CD44: variants seen among roughly 807,000 people sequenced by gnomAD.
CD44 encodes the protein CD44 molecule (IN blood group).
A neutral mutation model predicts 88.8 loss-of-function variants in CD44; 49 were observed. That is an observed-to-expected ratio of 0.55 (90% confidence interval 0.44 to 0.70). The LOEUF is 0.70. CD44 is among the 30% of genes least tolerant of loss of function. CD44 has a pLI of 0.00. For missense variants in CD44, 883 were observed against 913.8 expected (o/e 0.97, Z 0.43); for synonymous variants, 325 against 312.3 (o/e 1.04, Z -0.43).
chr11:35,142,629 G>A (rs959546425), intron 1 of CD44, among the ~76,000 whole-genome samples: 2 of 152,216 alleles, frequency 1.3e-5, no homozygotes, highest in African/African-American at 2.4e-5. Flanking sequence ...CTTCATCTCT[G>A]TTGGGGCTAG....
At chr11:35,153,013 G>A (rs898754969) in intron 1 of CD44, among the ~76,000 whole-genome samples, 11 of 152,200 alleles carry the variant, frequency 7.2e-5, no homozygotes, top group Non-Finnish European at 1.5e-5. Flanking sequence ...GGAAGTTATC[G>A]TGGTCTGATA....
chr11:35,172,788 G>T (rs1287741129), intron 1 of CD44, among the ~76,000 whole-genome samples: 1 of 151,984 alleles, frequency 6.6e-6, no homozygotes, highest in Non-Finnish European at 1.5e-5. Context: ...TCTTATCCTT[G>T]TTAGTGCCTC....
At chr11:35,217,788 T>A (rs563390165) in intron 15 of CD44, among the ~76,000 whole-genome samples, 1 of 152,316 alleles carries the variant, frequency 6.6e-6, no homozygotes, top group South Asian at 2.1e-4. Flanking sequence ...ACAGTGGGCT[T>A]CCATTTGGTA....
At chr11:35,180,206 T>C in intron 2 of CD44, 68 bp from the exon 3 acceptor site, 8 of 1,505,988 alleles carry the variant, frequency 5.3e-6, no homozygotes, top group Non-Finnish European at 6.5e-6. Context: ...TAAATGTCAT[T>C]GAATGGGATA....
At chr11:35,146,146 A>G (rs1859109603) in intron 1 of CD44, among the ~76,000 whole-genome samples, 1 of 152,058 alleles carries the variant, frequency 6.6e-6, no homozygotes, top group Non-Finnish European at 1.5e-5. Context: ...TGTCCTCCTG[A>G]GGTAAGTGTC....
chr11:35,148,321 T>C (rs1183482184), intron 1 of CD44, among the ~76,000 whole-genome samples: 2 of 152,188 alleles, frequency 1.3e-5, no homozygotes, highest in Non-Finnish European at 2.9e-5. Flanking sequence ...GGAAACCAGC[T>C]GACGTCAGCT....
Position 35,191,923 on chromosome 11 carries a change from G to A in CD44, c.667+1858G>A, listed in dbSNP as rs980435923. Among the ~76,000 whole-genome samples the A allele has an allele frequency of 3.9e-5, 6 of 152,182 alleles. No homozygotes were observed. The East Asian group carries it at 9.6e-4, about 24-fold the overall frequency. ...AACATAGTTAGGAAGTAATATTGAA[G>A]AGAGGCAAGGATTACTGAGATATTT... On this transcript the variant is annotated intron_variant, in intron 5 of 17. Coordinates refer to ENST00000428726, the MANE Select transcript of CD44 (RefSeq NM_000610.4).
At chr11:35,159,341 C>A (rs1406975735) in intron 1 of CD44, among the ~76,000 whole-genome samples, 1 of 152,206 alleles carries the variant, frequency 6.6e-6, no homozygotes, top group Non-Finnish European at 1.5e-5. Context: ...AAGGCTTTTG[C>A]ACCTTTTAAT....
chr11:35,176,375 G>A (rs1944471106), intron 1 of CD44, among the ~76,000 whole-genome samples, 200 bp from the exon 2 acceptor site: 1 of 150,348 alleles, frequency 6.7e-6, no homozygotes, highest in African/African-American at 2.5e-5. Flanking sequence ...ACGGGGTTTC[G>A]CCATGTTAAC....
intron 1 of CD44, among the ~76,000 whole-genome samples, chr11:35,145,069 A>T (rs1468430204): frequency 6.6e-6 from 1 of 152,264 alleles, no homozygotes; most frequent in Non-Finnish European, 1.5e-5. Flanking sequence ...ACATGCCTGA[A>T]GGATCTATGT....
intron 2 of CD44, among the ~76,000 whole-genome samples, chr11:35,177,309 T>G (rs563005025): frequency 2.6e-5 from 4 of 152,328 alleles, no homozygotes; most frequent in Admixed American, 2.0e-4. Flanking sequence ...TCCTACCAGT[T>G]ATTCTAGAGC....
rs199837597 is a variant in CD44 at position 35,214,882 on chromosome 11, G to A, written c.1841G>A (p.Gly614Glu). Residue 614 changes from glycine to glutamate, a missense_variant, in exon 15 of 18, where the codon GGG (glycine) becomes GAG (glutamate). Physicochemically the swap from Gly to Glu is moderately conservative, Grantham distance 98. This residue lies in a region of CD44 where 631 missense variants were observed against 590.9 expected (regional missense o/e 1.07). Transcript: ENST00000428726. Reference protein sequence around the residue: ...GDQDTFHPSGGSHTTHGSESD... With the variant: ...GDQDTFHPSGESHTTHGSESD... ...CAAGACACATTCCACCCCAGTGGGG[G>A]GTCCCATACCACTCATGGATCTGAA... 1.9e-5 allele frequency: 30 copies of A among 1,560,624 alleles called. No individual in the cohort carries two copies. Among genetic ancestry groups the A allele is most frequent in the Non-Finnish European group, 2.3e-5 (27 of 1,153,262 alleles).
intron 1 of CD44, among the ~76,000 whole-genome samples, chr11:35,174,324 T>G (rs1383534208): frequency 2.0e-5 from 3 of 152,192 alleles, no homozygotes; most frequent in African/African-American, 7.2e-5. Context: ...TTCTGTCTGA[T>G]TCCAGACCTG....
intron 1 of CD44, among the ~76,000 whole-genome samples, chr11:35,149,156 C>T (rs1486483405): frequency 6.6e-6 from 1 of 152,162 alleles, no homozygotes; most frequent in East Asian, 1.9e-4. Context: ...AGACCCCAAA[C>T]CTTAAAATCA....
At chr11:35,147,001 T>A (rs1174571766) in intron 1 of CD44, among the ~76,000 whole-genome samples, 1 of 152,198 alleles carries the variant, frequency 6.6e-6, no homozygotes, top group Admixed American at 6.5e-5. Context: ...CTCTCTTCCA[T>A]GTGATGGAAA....
At chr11:35,181,887 T>A (rs1490458714) in intron 3 of CD44, among the ~76,000 whole-genome samples, 1 of 38,568 alleles carries the variant, frequency 2.6e-5, no homozygotes, top group African/African-American at 1.4e-4. Flanking sequence ...TATATAATTC[T>A]ATATATAATA....
At chr11:35,140,814 GT>G (rs1333356936) in intron 1 of CD44, among the ~76,000 whole-genome samples, 3 of 152,144 alleles carry the variant, frequency 2.0e-5, no homozygotes, top group Admixed American at 6.5e-5. Flanking sequence ...AAGGTCAGGA[GT>G]TTGAGACCAG....
Position 35,184,467 on chromosome 11 carries a change from A to C in CD44, c.368-2365A>C, listed in dbSNP as rs374001479. Among the ~76,000 whole-genome samples, 12 of 152,330 alleles carry C rather than the reference A, an allele frequency of 7.9e-5. No individual in the cohort carries two copies. The South Asian group carries it at 2.3e-3, about 29-fold the overall frequency. On this transcript the variant is annotated intron_variant, in intron 3 of 17. Transcript: ENST00000428726. ...AAGCCTGGTTCCAGGTATGCACAAC[A>C]TACAAATATCAGAAGCATCTCATAG...
chr11:35,199,103 A>G (rs1947052273), intron 7 of CD44, among the ~76,000 whole-genome samples: 1 of 152,262 alleles, frequency 6.6e-6, no homozygotes, highest in Non-Finnish European at 1.5e-5. Flanking sequence ...CAGAGTTTTA[A>G]CAAATGAGCT....
Sources: gnomAD v4.1 joint callset for allele counts (sites outside exome capture counted in the v4.1 genomes callset) on GRCh38, gnomAD v4.1.1 for gene constraint, gnomAD v4.1.1 regional missense constraint, MANE v1.5 for transcripts, NCBI Gene and HGNC (gene_info 2026-07-23, HGNC 2026-07-21) for gene names.